The following PSD3 variants were observed in gnomAD, a reference collection of about 807,000 sequenced individuals.
PSD3 encodes the protein pleckstrin and Sec7 domain containing 3, also known as PH and SEC7 domain-containing protein 3.
In PSD3, 49 loss-of-function variants were observed where a neutral mutation model predicts 105.5. That is an observed-to-expected ratio of 0.46 (90% confidence interval 0.37 to 0.59). The LOEUF is 0.59. Among genes scored for constraint, PSD3 ranks in the 20% least tolerant of loss-of-function variants. PSD3 has a pLI of 0.00. For synonymous variants in PSD3, 557 were observed against 457.8 expected, an observed-to-expected ratio of 1.22 and a Z score of -2.77; for missense variants, 1,561 against 1,263.8, an observed-to-expected ratio of 1.24 and a Z score of -3.57.
chr8:18,962,247 CAA>C (rs903832390), intron 1 of PSD3, among the ~76,000 whole-genome samples: 1 of 142,780 alleles, frequency 7.0e-6, no homozygotes. Context: ...ACTCCATCTC[CAA>C]AAAAAAAAGA....
chr8:18,614,332 C>T (rs1805489748), intron 11 of PSD3, among the ~76,000 whole-genome samples: 1 of 149,376 alleles, frequency 6.7e-6, no homozygotes, highest in African/African-American at 2.5e-5. Context: ...TTAACCCCTT[C>T]TCCCCCATCC....
At chr8:18,771,926 T>C (rs868252470) in intron 8 of PSD3, among the ~76,000 whole-genome samples, 1 of 152,252 alleles carries the variant, frequency 6.6e-6, no homozygotes. Context: ...AACGTTCTAC[T>C]TTCTGTTTAT....
At chr8:18,736,038 C>G (rs1209012158) in intron 9 of PSD3, among the ~76,000 whole-genome samples, 1 of 152,094 alleles carries the variant, frequency 6.6e-6, no homozygotes, top group Non-Finnish European at 1.5e-5. Flanking sequence ...TGGAAAGTAG[C>G]TTCTGACAAA....
intron 1 of PSD3, among the ~76,000 whole-genome samples, chr8:18,954,935 G>A (rs1823469871): frequency 6.6e-6 from 1 of 152,132 alleles, no homozygotes; most frequent in Admixed American, 6.5e-5. Context: ...GTCACGTTAG[G>A]ATGGACAGAC....
chr8:18,661,219 A>G (rs1809324862), intron 9 of PSD3, among the ~76,000 whole-genome samples: 1 of 152,142 alleles, frequency 6.6e-6, no homozygotes, highest in Non-Finnish European at 1.5e-5. Flanking sequence ...AGTATGGAGG[A>G]TATCACAGCT....
intron 8 of PSD3, among the ~76,000 whole-genome samples, chr8:18,789,727 A>C (rs150366663): frequency 1.4e-3 from 215 of 152,346 alleles, no homozygotes; most frequent in African/African-American, 4.8e-3. Context: ...TTGCTGTAGC[A>C]GGACTGGCAT....
At chr8:19,053,895 A>AT (rs1463770166) in intron 1 of PSD3, among the ~76,000 whole-genome samples, 1 of 152,198 alleles carries the variant, frequency 6.6e-6, no homozygotes, top group Non-Finnish European at 1.5e-5. Context: ...TGAAATTTTG[A>AT]TTTTTGTTCA....
At chr8:18,655,833 A>AT (rs1808849127) in intron 9 of PSD3, 148 bp from the exon 10 acceptor site, 2 of 677,216 alleles carry the variant, frequency 3.0e-6, no homozygotes, top group Non-Finnish European at 5.1e-6. Flanking sequence ...TGAAGAATAC[A>AT]TGGGGAGGCA....
At position 18,574,588 on chromosome 8, in the gene PSD3, T is replaced by G. The variant is rs151184138; in HGVS notation, c.2639+540A>C. ...ACATCTTTTCCTTCTAGTATAATCATGGACTACTAGAGCTCAGAAGGGAAA... is the reference window on the plus strand; with the variant it reads ...ACATCTTTTCCTTCTAGTATAATCAGGGACTACTAGAGCTCAGAAGGGAAA... On this transcript the variant is annotated intron_variant, in intron 13 of 15. Transcript: ENST00000327040. Among the ~76,000 whole-genome samples the G allele has an allele frequency of 4.3e-3, 653 of 152,296 alleles. 5 individuals are homozygous for G. Among genetic ancestry groups the G allele is most frequent in the African/African-American group, 0.015 (610 of 41,560 alleles).
chr8:18,705,397 G>A, intron 9 of PSD3, among the ~76,000 whole-genome samples: 1 of 151,946 alleles, frequency 6.6e-6, no homozygotes, highest in Admixed American at 6.6e-5. Flanking sequence ...TGGGTGTGGT[G>A]TCGTGTGCCT....
In PSD3 at chr8:19,007,751, A is replaced by T. The variant is rs553652086; in HGVS notation, c.21+5812T>A. Reference sequence around the variant, plus strand: ...GAATGCTTAAATCAACAGCATAATAATATCTGTACTTCAGACTCTGCCTTG... The same window carrying T: ...GAATGCTTAAATCAACAGCATAATATTATCTGTACTTCAGACTCTGCCTTG... On this transcript the variant is annotated intron_variant, in intron 1 of 15. Transcript: ENST00000327040. 7.2e-4 allele frequency among the ~76,000 whole-genome samples: 109 copies of T among 152,366 alleles called. 1 individual carries two copies. Among genetic ancestry groups the T allele is most frequent in the Admixed American group, 6.4e-3 (98 of 15,306 alleles).
At chr8:19,042,604 C>T (rs2129476754) in intron 1 of PSD3, among the ~76,000 whole-genome samples, 1 of 152,188 alleles carries the variant, frequency 6.6e-6, no homozygotes. Flanking sequence ...AAATAAAATC[C>T]TGGGATATAA....
At chr8:18,608,585 T>G (rs1187499014) in intron 11 of PSD3, among the ~76,000 whole-genome samples, 1 of 152,234 alleles carries the variant, frequency 6.6e-6, no homozygotes, top group Non-Finnish European at 1.5e-5. Context: ...GAAACATATT[T>G]GGAAATATAA....
chr8:18,997,926 C>G (rs1225009178), intron 1 of PSD3, among the ~76,000 whole-genome samples: 1 of 152,060 alleles, frequency 6.6e-6, no homozygotes, highest in African/African-American at 2.4e-5. Context: ...ACTACACACA[C>G]GCACATGCAG....
chr8:18,613,487 A>T (rs948839016), intron 11 of PSD3, among the ~76,000 whole-genome samples: 2 of 151,722 alleles, frequency 1.3e-5, no homozygotes, highest in African/African-American at 4.8e-5. Flanking sequence ...TCCACTTGTC[A>T]CCCTTCTACG....
At chr8:18,725,253 A>G (rs1416000315) in intron 9 of PSD3, among the ~76,000 whole-genome samples, 1 of 152,154 alleles carries the variant, frequency 6.6e-6, no homozygotes, top group Non-Finnish European at 1.5e-5. Context: ...AACTTAGAAA[A>G]TAGTAATCTT....
chr8:18,716,147 T>A (rs1217082337), intron 9 of PSD3, among the ~76,000 whole-genome samples: 1 of 151,798 alleles, frequency 6.6e-6, no homozygotes, highest in African/African-American at 2.4e-5. Flanking sequence ...GCTTAAAACA[T>A]GATTTATCAG....
intron 9 of PSD3, among the ~76,000 whole-genome samples, chr8:18,693,106 C>T (rs76068967): frequency 0.045 from 6,908 of 152,218 alleles, 522 homozygotes; most frequent in African/African-American, 0.16. Flanking sequence ...AGCAGAACAC[C>T]ACAAAATTTG....
chr8:18,797,575 G>A (rs567424185), intron 8 of PSD3, among the ~76,000 whole-genome samples: 1 of 152,224 alleles, frequency 6.6e-6, no homozygotes, highest in South Asian at 2.1e-4. Context: ...AGCATGCTGA[G>A]ATATCTAATA....
Sources: gnomAD v4.1 joint callset for allele counts (sites outside exome capture counted in the v4.1 genomes callset) on GRCh38, gnomAD v4.1.1 for gene constraint, MANE v1.5 for transcripts, NCBI Gene and HGNC (gene_info 2026-07-23, HGNC 2026-07-21) for gene names.